MED14: variants seen among roughly 807,000 people sequenced by gnomAD.
MED14 encodes the protein mediator of RNA polymerase II transcription subunit 14.
In MED14, 8 loss-of-function variants were observed where a neutral mutation model predicts 109.0. That is an observed-to-expected ratio of 0.07 (90% CI 0.04 to 0.13). The LOEUF (loss-of-function observed/expected upper bound fraction) is 0.13. MED14 is among the 10% of genes least tolerant of loss of function. The pLI is 1.00. For missense variants in MED14, 711 were observed against 1,142.4 expected (o/e 0.62, Z 5.44); for synonymous variants, 399 against 408.7 (o/e 0.98, Z 0.29).
chrX:40,690,388 C>A (rs1275050620), intron 15 of MED14, among the ~76,000 whole-genome samples: 2 of 111,557 alleles, frequency 1.8e-5, no homozygotes, highest in African/African-American at 3.3e-5. Flanking sequence ...CAAACAACAG[C>A]TCATGAGCCA....
chrX:40,686,654 T>C (rs185639310), intron 16 of MED14, among the ~76,000 whole-genome samples: 2 of 112,030 alleles, frequency 1.8e-5, no homozygotes, highest in East Asian at 2.8e-4. Context: ...TCTATCTACC[T>C]TCCACGGAAA....
chrX:40,731,766 C>T (rs1932087188), intron 1 of MED14, among the ~76,000 whole-genome samples: 1 of 112,387 alleles, frequency 8.9e-6, no homozygotes, highest in Non-Finnish European at 1.9e-5. Context: ...TTGAAATGTA[C>T]AGTAGATTCT....
Position 40,675,359 on chromosome X carries a change from C to A in MED14, c.2883G>T (p.Thr961=). The change falls in exon 22 of 31, where the codon ACG becomes ACT. Residue 961 remains threonine (T), a splice_region_variant and synonymous_variant. Transcript: ENST00000324817. ...EGFYPAPGLK[T]FLNMFVDSNQ... ...TGCTGTCAACAAACATATTCAGGAA[C>A]GTCTACGGATATAAACAGGTAAAAT... 1 of 1,175,704 alleles carries A rather than the reference C, an allele frequency of 8.5e-7. No homozygotes were observed. Among genetic ancestry groups the A allele is most frequent in the Non-Finnish European group, 1.1e-6 (1 of 879,155 alleles).
At chrX:40,733,655 T>C (rs1043113980) in intron 1 of MED14, among the ~76,000 whole-genome samples, 2 of 111,814 alleles carry the variant, frequency 1.8e-5, no homozygotes, top group Admixed American at 1.9e-4. Flanking sequence ...TGCTGATGTA[T>C]GTAGGATGTG....
rs1928783765 is a variant in MED14 at position 40,649,621 on chromosome X, C to T, written c.*2185G>A. The T allele has an allele frequency of 1.1e-6, 1 of 945,097 alleles. No homozygotes were observed. The highest frequency in any genetic ancestry group is 2.1e-5 in the African/African-American group (1 of 47,337). 77.9% of individuals were successfully genotyped at this position (945,097 alleles called of 1,213,427 possible). A position where few individuals can be genotyped will look rare whatever the true frequency, so the allele number is the denominator to read the frequency against. On this transcript the variant is annotated 3_prime_UTR_variant, in exon 31 of 31. Transcript: ENST00000324817. ...TTGAAAACACCTTAAAGTTAAGTCC[C>T]AACCCGATTATTAGAGAAAATCACT... is the stretch of plus-strand genomic sequence containing the variant.
chrX:40,735,278 AGCCGCAGCTGCAGCG>A lies in MED14; in HGVS notation c.120_134del (p.Ala41_Ala45del). On this transcript the variant is annotated inframe_deletion, in exon 1 of 31. Coordinates refer to ENST00000324817, the MANE Select transcript of MED14 (RefSeq NM_004229.4). ...GGGTGCTCAGCCGGTAGCCCGGGCTAGCCGCAGCTGCAGCGGCCGCCGCCACGGCGGCTCCCGGGG... is the reference window on the plus strand; with the variant it reads ...GGGTGCTCAGCCGGTAGCCCGGGCTAGCCGCCGCCACGGCGGCTCCCGGGG... 5 of 1,140,712 alleles carry A rather than the reference AGCCGCAGCTGCAGCG, an allele frequency of 4.4e-6. No homozygotes were observed. Among genetic ancestry groups the A allele is most frequent in the Non-Finnish European group, 5.8e-6 (5 of 861,235 alleles). The allele number at this position is 1,140,712 out of a possible 1,213,427, so 94.0% of individuals were successfully genotyped here. A position where few individuals can be genotyped will look rare whatever the true frequency, so the allele number is the denominator to read the frequency against.
At chrX:40,695,851 T>C (rs1452787420) in intron 13 of MED14, among the ~76,000 whole-genome samples, 1 of 112,431 alleles carries the variant, frequency 8.9e-6, no homozygotes, top group Admixed American at 9.4e-5. Flanking sequence ...AATGGTGTCC[T>C]TTTAAAATAG....
Position 40,697,245 on chromosome X carries a change from C to T in MED14, c.1491-62G>A, listed in dbSNP as rs1930754554. 2.7e-5 allele frequency: 18 copies of T among 674,190 alleles called. No individual in the cohort carries two copies. In the South Asian group the frequency reaches 3.9e-4, roughly 15 times the overall value. 55.6% of individuals were successfully genotyped at this position (674,190 alleles called of 1,213,427 possible). On this transcript the variant is annotated intron_variant, in intron 12 of 30. Transcript: ENST00000324817. ...ACTTTTCTGATTATCTGTGCCCTAT[C>T]GATTTACAAATGATTAAAGACCATT...
At chrX:40,679,446 G>A (rs142249219) in intron 21 of MED14, among the ~76,000 whole-genome samples, 1,230 of 111,801 alleles carry the variant, frequency 0.011, 20 homozygotes, top group African/African-American at 0.038. Context: ...GGCTGAAGTT[G>A]CAGTGAGCCA....
intron 4 of MED14, 85 bp from the exon 5 acceptor site, chrX:40,713,992 C>A: frequency 1.1e-6 from 1 of 948,540 alleles, no homozygotes; most frequent in Non-Finnish European, 1.4e-6. Context: ...TACAGTGTTG[C>A]GTACTTTACC....
intron 11 of MED14, among the ~76,000 whole-genome samples, chrX:40,702,233 T>C (rs1336417928): frequency 1.8e-5 from 2 of 112,241 alleles, no homozygotes; most frequent in Non-Finnish European, 3.8e-5. Context: ...AAGACAAGCA[T>C]ACATCCCTAA....
rs60449902 is a variant in MED14 at position 40,658,688 on chromosome X, CAAAAAAAAAAAAA to C, written c.3972+526_3972+538del. Among the ~76,000 whole-genome samples the C allele has an allele frequency of 4.6e-4, 10 of 21,656 alleles. 1 individual carries two copies. The East Asian group carries it at 0.018, about 39-fold the overall frequency. The allele number at this position is 21,656 out of a possible 115,157, so 18.8% of individuals were successfully genotyped here. Reference sequence around the variant, plus strand: ...CAACACGGTGAAACTCCGTCTCTACCAAAAAAAAAAAAAAAAAAAAAAAAAAAAGCCAGGCGCG... The same window carrying C: ...CAACACGGTGAAACTCCGTCTCTACCAAAAAAAAAAAAAAAGCCAGGCGCG... On this transcript the variant is annotated intron_variant, in intron 28 of 30. Coordinates refer to ENST00000324817, the MANE Select transcript of MED14 (RefSeq NM_004229.4).
intron 12 of MED14, 125 bp from the exon 13 acceptor site, chrX:40,697,308 A>C: frequency 2.3e-6 from 1 of 433,103 alleles, no homozygotes. Context: ...GAACTAATAA[A>C]AGGACACATG....
At chrX:40,689,436 G>A (rs1285695243) in intron 15 of MED14, among the ~76,000 whole-genome samples, 1 of 111,904 alleles carries the variant, frequency 8.9e-6, no homozygotes, top group South Asian at 3.7e-4. Flanking sequence ...GCTCACACCT[G>A]TAATCCCAGC....
intron 21 of MED14, 106 bp from the exon 22 acceptor site, chrX:40,675,467 T>C (rs1929881775): frequency 1.8e-6 from 1 of 558,868 alleles, no homozygotes; most frequent in Admixed American, 5.8e-5. Flanking sequence ...TGTTGATCCT[T>C]GAAGATCGTT....
At position 40,711,215 on chromosome X, in the gene MED14, C is replaced by T; in HGVS notation, c.976G>A (p.Val326Met). Residue 326 changes from valine to methionine, a missense_variant, in exon 8 of 31, where the codon GTG (valine) becomes ATG (methionine). Around this residue, in one of 8 missense-constraint regions of MED14, gnomAD observed 388 missense variants for 517.3 expected, o/e 0.75. Coordinates refer to ENST00000324817, the MANE Select transcript of MED14 (RefSeq NM_004229.4). ...CACTTTCCAGCATGATACCTTTCCACCTGCACAAGGTCTCCCCACCGTTCT... is the reference window on the plus strand; with the variant it reads ...CACTTTCCAGCATGATACCTTTCCATCTGCACAAGGTCTCCCCACCGTTCT... Reference protein sequence around the residue: ...IRERWGDLVQVERYHAGKCLS... With the variant: ...IRERWGDLVQMERYHAGKCLS... 8.3e-7 allele frequency: 1 copy of T among 1,210,665 alleles called. No homozygotes were observed.
In MED14 at chrX:40,651,415, T is replaced by C; in HGVS notation, c.*391A>G. 3.9e-6 allele frequency: 3 copies of C among 760,980 alleles called. No homozygotes were observed. Among genetic ancestry groups the C allele is most frequent in the Non-Finnish European group, 4.7e-6 (3 of 643,200 alleles). The allele number at this position is 760,980 out of a possible 1,213,427, so 62.7% of individuals were successfully genotyped here. On this transcript the variant is annotated 3_prime_UTR_variant, in exon 31 of 31. Coordinates refer to ENST00000324817, the MANE Select transcript of MED14 (RefSeq NM_004229.4). ...TAAAGTTTATCACAGTTTTACAGTA[T>C]TCAAAAATGACAGACCTGCCTTAAA...
chrX:40,664,270 T>C (rs1488439508), intron 25 of MED14, 37 bp downstream of exon 25: 1 of 1,165,232 alleles, frequency 8.6e-7, no homozygotes, highest in Non-Finnish European at 1.2e-6. Context: ...CTTTGGGTTA[T>C]ACTAAAAAAG....
intron 10 of MED14, among the ~76,000 whole-genome samples, chrX:40,705,210 G>A (rs1253280007): frequency 8.9e-6 from 1 of 112,451 alleles, no homozygotes; most frequent in Admixed American, 9.4e-5. Flanking sequence ...TATTACAAAT[G>A]TGAAACAGAG....
Sources: gnomAD v4.1 joint callset for allele counts (sites outside exome capture counted in the v4.1 genomes callset) on GRCh38, gnomAD v4.1.1 for gene constraint, gnomAD v4.1.1 regional missense constraint, MANE v1.5 for transcripts, NCBI Gene and HGNC (gene_info 2026-07-23, HGNC 2026-07-21) for gene names.